Variants in PHACTR1 observed in about 807,000 individuals in gnomAD.
PHACTR1 encodes phosphatase and actin regulator 1, also known as RPEL repeat containing 1.
PHACTR1 carries 16 observed loss-of-function variants against 69.2 expected under a neutral mutation model. That is an observed-to-expected ratio of 0.23 (90% confidence interval 0.16 to 0.35). The LOEUF (loss-of-function observed/expected upper bound fraction) is 0.35. Among genes scored for constraint, PHACTR1 ranks in the 10% least tolerant of loss-of-function variants. PHACTR1 has a pLI of 1.00. For missense variants in PHACTR1, 510 were observed against 734.7 expected, an observed-to-expected ratio of 0.69 and a Z score of 3.54; for synonymous variants, 312 against 284.5, an observed-to-expected ratio of 1.10 and a Z score of -0.97.
intron 5 of PHACTR1, among the ~76,000 whole-genome samples, chr6:13,093,394 C>T (rs545611113): frequency 6.6e-6 from 1 of 152,232 alleles, no homozygotes; most frequent in Admixed American, 6.5e-5. Context: ...AGAATTGAGC[C>T]AAATGTTCTA....
At chr6:12,911,996 G>T (rs919759036) in intron 4 of PHACTR1, among the ~76,000 whole-genome samples, 5 of 152,118 alleles carry the variant, frequency 3.3e-5, no homozygotes, top group African/African-American at 1.2e-4. Flanking sequence ...TTATTTATTT[G>T]TTTGTTTGTT....
chr6:13,015,148 C>G (rs1210199793), intron 4 of PHACTR1, among the ~76,000 whole-genome samples: 1 of 152,242 alleles, frequency 6.6e-6, no homozygotes, highest in Non-Finnish European at 1.5e-5. Context: ...TTTGGAAGAA[C>G]AAACATTACT....
rs765090294 is a variant in PHACTR1, at chr6:13,182,697, G to A, written c.664+11G>A. The A allele has an allele frequency of 9.2e-6, 14 of 1,525,102 alleles. No individual in the cohort carries two copies. The highest frequency in any genetic ancestry group is 2.7e-5 in the South Asian group (2 of 75,376). The allele number at this position is 1,525,102 out of a possible 1,614,324, so 94.5% of individuals were successfully genotyped here. A position where few individuals can be genotyped will look rare whatever the true frequency, so the allele number is the denominator to read the frequency against. On this transcript the variant is annotated intron_variant, in intron 7 of 14. Coordinates refer to ENST00000332995, the MANE Select transcript of PHACTR1 (RefSeq NM_030948.6). ...TCATGGATGGGCCAGGTAATGCCCC[G>A]GCAGGATTGTAGAGCAGGTCCCAGA...
chr6:13,099,413 G>C (rs1013432347), intron 5 of PHACTR1, among the ~76,000 whole-genome samples: 1 of 152,236 alleles, frequency 6.6e-6, no homozygotes, highest in Non-Finnish European at 1.5e-5. Context: ...CAGTGAGTGA[G>C]TGATGAATAG....
Position 12,998,945 on chromosome 6 carries a change from T to C in PHACTR1, c.251-54420T>C, listed in dbSNP as rs967979323. ...CAGCATTCTGAAAACCCAAATGAAA[T>C]AATGGTAGTACCAAGTAATGATGAA... On this transcript the variant is annotated intron_variant, in intron 4 of 14. Transcript: ENST00000332995. 2.0e-5 allele frequency among the ~76,000 whole-genome samples: 3 copies of C among 152,218 alleles called. No individual in the cohort carries two copies. The South Asian group carries it at 6.2e-4, about 32-fold the overall frequency.
intron 4 of PHACTR1, among the ~76,000 whole-genome samples, chr6:13,050,428 G>C (rs1805770288): frequency 6.6e-6 from 1 of 152,156 alleles, no homozygotes; most frequent in Non-Finnish European, 1.5e-5. Context: ...TTTGTGATCA[G>C]AGACCTCAGT....
At chr6:13,036,295 G>C (rs1803300348) in intron 4 of PHACTR1, among the ~76,000 whole-genome samples, 1 of 152,114 alleles carries the variant, frequency 6.6e-6, no homozygotes, top group Admixed American at 6.5e-5. Flanking sequence ...CATTCTTGTA[G>C]AAAAATAGAA....
intron 4 of PHACTR1, among the ~76,000 whole-genome samples, chr6:12,906,421 A>G (rs1785740089): frequency 6.6e-6 from 1 of 152,162 alleles, no homozygotes; most frequent in Non-Finnish European, 1.5e-5. Context: ...TTCAATGAAA[A>G]GTGCTCTTGA....
chr6:12,788,347 T>A (rs993699193), intron 4 of PHACTR1, among the ~76,000 whole-genome samples: 2 of 152,086 alleles, frequency 1.3e-5, no homozygotes, highest in African/African-American at 4.8e-5. Flanking sequence ...AGGAGAGAAA[T>A]ATTATCTTAT....
intron 4 of PHACTR1, among the ~76,000 whole-genome samples, chr6:12,984,241 A>G (rs1198123875): frequency 6.6e-6 from 1 of 152,214 alleles, no homozygotes; most frequent in Non-Finnish European, 1.5e-5. Flanking sequence ...TCGCCATTCT[A>G]ACTGGTATGA....
At chr6:13,127,410 C>T (rs541526968) in intron 5 of PHACTR1, among the ~76,000 whole-genome samples, 1 of 151,996 alleles carries the variant, frequency 6.6e-6, no homozygotes, top group Non-Finnish European at 1.5e-5. Flanking sequence ...CTAACAACAA[C>T]AACAAAAAAA....
At chr6:13,071,074 T>A (rs538811253) in intron 5 of PHACTR1, among the ~76,000 whole-genome samples, 1 of 151,384 alleles carries the variant, frequency 6.6e-6, no homozygotes, top group East Asian at 1.9e-4. Context: ...TGAAGGAGAG[T>A]TGGGTGAAGG....
At chr6:12,939,299 C>T (rs1789817261) in intron 4 of PHACTR1, among the ~76,000 whole-genome samples, 1 of 152,082 alleles carries the variant, frequency 6.6e-6, no homozygotes, top group African/African-American at 2.4e-5. Flanking sequence ...GTAGGTGGTG[C>T]CTTAGCATCA....
chr6:13,185,072 G>A, intron 7 of PHACTR1: 2 of 1,228,336 alleles, frequency 1.6e-6, no homozygotes, highest in South Asian at 1.4e-5. Flanking sequence ...TTTTTCTCTT[G>A]TTCTTTGAAC....
At chr6:13,127,469 C>T (rs954424783) in intron 5 of PHACTR1, among the ~76,000 whole-genome samples, 4 of 152,092 alleles carry the variant, frequency 2.6e-5, no homozygotes, top group African/African-American at 9.7e-5. Context: ...ACTCAGGAGG[C>T]CGAGGCAGGA....
chr6:13,005,346 C>T (rs748997815), intron 4 of PHACTR1, among the ~76,000 whole-genome samples: 2 of 152,002 alleles, frequency 1.3e-5, no homozygotes, highest in African/African-American at 4.8e-5. Context: ...CCACATGCAT[C>T]CATACAACAT....
intron 5 of PHACTR1, among the ~76,000 whole-genome samples, chr6:13,076,072 A>C (rs530413109): frequency 7.1e-6 from 1 of 140,010 alleles, no homozygotes; most frequent in East Asian, 2.0e-4. Context: ...TTAATGGCTC[A>C]TTGTGCCCCA....
At chr6:13,098,266 T>C (rs1814600564) in intron 5 of PHACTR1, among the ~76,000 whole-genome samples, 1 of 152,198 alleles carries the variant, frequency 6.6e-6, no homozygotes, top group South Asian at 2.1e-4. Context: ...CCCAAGAATA[T>C]TTACCCAATT....
chr6:12,767,070 A>G (rs557890546), intron 4 of PHACTR1, among the ~76,000 whole-genome samples: 1 of 152,340 alleles, frequency 6.6e-6, no homozygotes, highest in South Asian at 2.1e-4. Context: ...ATGAAGATGA[A>G]AATGGATTGC....
Sources: gnomAD v4.1 joint callset for allele counts (sites outside exome capture counted in the v4.1 genomes callset) on GRCh38, gnomAD v4.1.1 for gene constraint, MANE v1.5 for transcripts, NCBI Gene and HGNC (gene_info 2026-07-23, HGNC 2026-07-21) for gene names.